CDC14A: variants seen among roughly 807,000 people sequenced by gnomAD.
The protein encoded by CDC14A is cell division cycle 14A.
A neutral mutation model predicts 74.4 loss-of-function variants in CDC14A; 53 were observed. That is an observed-to-expected ratio of 0.71 (90% CI 0.57 to 0.89). The LOEUF (loss-of-function observed/expected upper bound fraction) is 0.89. CDC14A is among the 40% of genes least tolerant of loss of function. The pLI is 0.00. For synonymous variants in CDC14A, 247 were observed against 258.4 expected (o/e 0.96, Z 0.43); for missense variants, 646 against 713.7 (o/e 0.91, Z 1.08).
chr1:100,457,487 C>T (rs1384975292), intron 8 of CDC14A, among the ~76,000 whole-genome samples: 2 of 152,110 alleles, frequency 1.3e-5, no homozygotes, highest in Non-Finnish European at 2.9e-5. Flanking sequence ...GAGACAGGCT[C>T]TTGCTTTGTT....
At position 100,507,074 on chromosome 1, in the gene CDC14A, G is replaced by T. The variant is rs191942665; in HGVS notation, c.1755+7812G>T. Among the ~76,000 whole-genome samples, 7 of 152,328 alleles carry T rather than the reference G, an allele frequency of 4.6e-5. No homozygotes were observed. In the East Asian group the frequency reaches 1.2e-3, roughly 25 times the overall value. ...TAATAAAGCTATAGCTAATATTTAT[G>T]TAAGTGTCTAGCTTGAGCCTAGTAT... On this transcript the variant is annotated intron_variant, in intron 15 of 15. Coordinates refer to ENST00000336454, the MANE Select transcript of CDC14A (RefSeq NM_003672.4).
At chr1:100,469,799 C>T (rs571888171) in intron 10 of CDC14A, among the ~76,000 whole-genome samples, 1 of 152,298 alleles carries the variant, frequency 6.6e-6, no homozygotes, top group South Asian at 2.1e-4. Context: ...TCAGATAACA[C>T]AGCCCTCATG....
At chr1:100,395,368 G>A (rs1054628586) in intron 4 of CDC14A, among the ~76,000 whole-genome samples, 1 of 152,114 alleles carries the variant, frequency 6.6e-6, no homozygotes, top group Non-Finnish European at 1.5e-5. Flanking sequence ...TATTTCCCAA[G>A]TCATTCCCTT....
At chr1:100,394,081 C>T in intron 4 of CDC14A, 1 of 217,396 alleles carries the variant, frequency 4.6e-6, no homozygotes, top group Non-Finnish European at 8.9e-6. Context: ...CTTTTTCCCT[C>T]CCTTGCATCT....
chr1:100,478,854 G>A (rs1220957432), intron 10 of CDC14A, among the ~76,000 whole-genome samples: 1 of 152,122 alleles, frequency 6.6e-6, no homozygotes, highest in Non-Finnish European at 1.5e-5. Context: ...ATTGTCTTCA[G>A]TGCTTCTCAA....
chr1:100,426,624 G>A (rs1216150178), intron 5 of CDC14A, among the ~76,000 whole-genome samples: 1 of 152,016 alleles, frequency 6.6e-6, no homozygotes. Flanking sequence ...TATATAGGAA[G>A]GTTTAAGTGA....
chr1:100,418,557 G>A (rs537795135), intron 4 of CDC14A, among the ~76,000 whole-genome samples: 2 of 152,262 alleles, frequency 1.3e-5, no homozygotes, highest in South Asian at 2.1e-4. Context: ...TTTTTGAGCA[G>A]GGTTGAGACT....
At chr1:100,420,039 C>CATATATAT (rs1383196707) in intron 4 of CDC14A, among the ~76,000 whole-genome samples, 21 of 9,212 alleles carry the variant, frequency 2.3e-3, no homozygotes, top group African/African-American at 0.02. Flanking sequence ...TATACACACA[C>CATATATAT]ACACACACAC....
chr1:100,410,952 G>A (rs1274242828), intron 4 of CDC14A, among the ~76,000 whole-genome samples: 1 of 152,194 alleles, frequency 6.6e-6, no homozygotes, highest in Non-Finnish European at 1.5e-5. Flanking sequence ...CTTTTACTGT[G>A]TTACTCTAGC....
intron 10 of CDC14A, among the ~76,000 whole-genome samples, chr1:100,471,287 A>G (rs938711031): frequency 8.7e-4 from 132 of 152,300 alleles, no homozygotes; most frequent in African/African-American, 3.1e-3. Flanking sequence ...CCCCCCAAAA[A>G]AGCATGACAG....
chr1:100,353,664 G>A (rs1271864255), intron 1 of CDC14A, 98 bp from the exon 2 acceptor site: 4 of 670,238 alleles, frequency 6.0e-6, no homozygotes, highest in Non-Finnish European at 1.1e-5. Flanking sequence ...GTGTTAATGG[G>A]GTCTTTAAAT....
intron 9 of CDC14A, among the ~76,000 whole-genome samples, chr1:100,466,890 A>AAAAAAG (rs1553190651): frequency 1.4e-4 from 21 of 149,092 alleles, no homozygotes; most frequent in African/African-American, 5.3e-4. Context: ...AAAAAAAAAA[A>AAAAAAG]GAAGGGTTAA....
In CDC14A at chr1:100,427,706, C is replaced by A. The variant is rs1005901603; in HGVS notation, c.389+3405C>A. On this transcript the variant is annotated intron_variant, in intron 5 of 15. Coordinates refer to ENST00000336454, the MANE Select transcript of CDC14A (RefSeq NM_003672.4). ...CAAGTATACTAAAATATATTTATTG[C>A]TTTTTCAGTGCCAGTCACTGTGATA... 2.0e-5 allele frequency among the ~76,000 whole-genome samples: 3 copies of A among 152,240 alleles called. No individual in the cohort carries two copies. The South Asian group carries it at 6.2e-4, about 32-fold the overall frequency.
chr1:100,351,412 T>C (rs935237115), upstream of CDC14A, among the ~76,000 whole-genome samples: 1 of 152,148 alleles, frequency 6.6e-6, no homozygotes, highest in Non-Finnish European at 1.5e-5. Context: ...TAGCGCCATT[T>C]TCGTATGGAA....
chr1:100,446,103 C>G (rs1447509663), intron 7 of CDC14A, among the ~76,000 whole-genome samples: 1 of 152,080 alleles, frequency 6.6e-6, no homozygotes, highest in African/African-American at 2.4e-5. Context: ...ATTTTATTAG[C>G]TCCAGTAAAG....
intron 7 of CDC14A, among the ~76,000 whole-genome samples, chr1:100,453,931 C>T (rs1452111373): frequency 6.6e-6 from 1 of 152,144 alleles, no homozygotes. Context: ...CGCGAGCCGC[C>T]ACGCCCAGCT....
chr1:100,453,740 A>G (rs1046420355), intron 7 of CDC14A, among the ~76,000 whole-genome samples: 1 of 152,206 alleles, frequency 6.6e-6, no homozygotes, highest in African/African-American at 2.4e-5. Flanking sequence ...CTGGGGCTCA[A>G]GCAGTTCTCC....
Position 100,352,912 on chromosome 1 carries a change from G to A in CDC14A, c.-43G>A, listed in dbSNP as rs1393622290. On this transcript the variant is annotated 5_prime_UTR_variant, in exon 1 of 16. Transcript: ENST00000336454. Reference sequence around the variant, plus strand: ...AAGCCCCCGGGGGCGAGTGACTTCAGCTGGCCACGACCCAGCCCTCCCCCG... The same window carrying A: ...AAGCCCCCGGGGGCGAGTGACTTCAACTGGCCACGACCCAGCCCTCCCCCG... 3.1e-6 allele frequency: 5 copies of A among 1,613,080 alleles called. No homozygotes were observed. The highest frequency in any genetic ancestry group is 2.7e-5 in the African/African-American group (2 of 75,030).
At chr1:100,462,168 T>A (rs1017010619) in intron 8 of CDC14A, among the ~76,000 whole-genome samples, 1 of 152,210 alleles carries the variant, frequency 6.6e-6, no homozygotes, top group African/African-American at 2.4e-5. Flanking sequence ...CAATTGTGAC[T>A]TGTACATAGT....
Sources: gnomAD v4.1 joint callset for allele counts (sites outside exome capture counted in the v4.1 genomes callset) on GRCh38, gnomAD v4.1.1 for gene constraint, MANE v1.5 for transcripts, NCBI Gene and HGNC (gene_info 2026-07-23, HGNC 2026-07-21) for gene names.